The following SALL3 variants were observed in gnomAD, a reference collection of about 807,000 sequenced individuals.
The protein encoded by SALL3 is spalt like transcription factor 3.
SALL3 carries 25 observed loss-of-function variants against 66.2 expected under a neutral mutation model. That is an observed-to-expected ratio of 0.38 (90% confidence interval 0.28 to 0.53). SALL3 has a LOEUF of 0.53. SALL3 is among the 20% of genes least tolerant of loss of function. The pLI is 0.85. For synonymous variants in SALL3, 1,152 were observed against 899.1 expected (o/e 1.28, Z -5.03); for missense variants, 2,194 against 1,916.5 (o/e 1.14, Z -2.70).
At position 78,994,838 on chromosome 18, in the gene SALL3, C is replaced by A. The variant is rs1451294076; in HGVS notation, c.2847C>A (p.Gly949=). ...CAGCCGCCGCCCCGGGCAGCGGAGG[C>A]GCCCCTGGCCGCGCGGGCATCAAGG... ...DSPAAAPGSG[G]APGRAGIKEE... Residue 949 remains glycine (G), a synonymous_variant, in exon 2 of 3, where the codon GGC becomes GGA. Coordinates refer to ENST00000537592, the MANE Select transcript of SALL3 (RefSeq NM_171999.4). 12 of 1,595,862 alleles carry A rather than the reference C, an allele frequency of 7.5e-6. No individual in the cohort carries two copies. Among genetic ancestry groups the A allele is most frequent in the Non-Finnish European group, 1.0e-5 (12 of 1,171,614 alleles).
At position 78,992,132 on chromosome 18, in the gene SALL3, C is replaced by T. The variant is rs1357310153; in HGVS notation, c.141C>T (p.Gly47=). 1.8e-5 allele frequency: 29 copies of T among 1,602,530 alleles called. No homozygotes were observed. The highest frequency in any genetic ancestry group is 2.4e-5 in the Non-Finnish European group (28 of 1,175,660). The change falls in exon 2 of 3, where the codon GGC becomes GGT. Residue 47 remains glycine (G), a synonymous_variant. Coordinates refer to ENST00000537592, the MANE Select transcript of SALL3 (RefSeq NM_171999.4). ...GCGGGCCCGAGAGCCGCAGCGGGGG[C>T]GAGGAGACCAGCGTGTGCGAGAAAT... ...ADSGPESRSG[G]EETSVCEKCC...
At position 78,992,070 on chromosome 18, in the gene SALL3, G is replaced by T; in HGVS notation, c.83-4G>T. On this transcript the variant is annotated splice_region_variant and splice_polypyrimidine_tract_variant and intron_variant, in intron 1 of 2. Transcript: ENST00000537592. ...CCGGCTGACTCACTCTCTTGGTCTTGCAGCCGCCCCGGGGGAAGGTGCGGA... is the reference window on the plus strand; with the variant it reads ...CCGGCTGACTCACTCTCTTGGTCTTTCAGCCGCCCCGGGGGAAGGTGCGGA... The T allele has an allele frequency of 6.8e-7, 1 of 1,475,170 alleles. No homozygotes were observed. Among genetic ancestry groups the T allele is most frequent in the South Asian group, 1.4e-5 (1 of 72,906 alleles). 91.4% of individuals were successfully genotyped at this position (1,475,170 alleles called of 1,614,324 possible).
rs922149549 is a variant in SALL3, at chr18:78,997,778, C to G, written c.*456C>G. On this transcript the variant is annotated 3_prime_UTR_variant, in exon 3 of 3. Coordinates refer to ENST00000537592, the MANE Select transcript of SALL3 (RefSeq NM_171999.4). ...ACTCCCAATGCTGTGTATCATGACA[C>G]TATCTTCGTCTGTAGTATTTATGAT... 6.0e-6 allele frequency: 1 copy of G among 166,486 alleles called. No individual in the cohort carries two copies. Among genetic ancestry groups the G allele is most frequent in the African/African-American group, 2.4e-5 (1 of 41,874 alleles). 10.3% of individuals were successfully genotyped at this position (166,486 alleles called of 1,614,324 possible).
chr18:78,994,136 C>G lies in SALL3; in HGVS notation c.2145C>G (p.Ala715=). 6.2e-7 allele frequency: 1 copy of G among 1,613,040 alleles called. No homozygotes were observed. ...TCAAGTGCAAGATCTGCGGCCGCGC[C>G]TTCACCACCAAGGGCAACCTCAAGA... ...RPFKCKICGR[A]FTTKGNLKTH... is the part of the protein sequence containing the mutation. The change falls in exon 2 of 3, where the codon GCC becomes GCG. Residue 715 remains alanine, a synonymous_variant. Coordinates refer to ENST00000537592, the MANE Select transcript of SALL3 (RefSeq NM_171999.4).
intron 1 of SALL3, among the ~76,000 whole-genome samples, chr18:78,986,174 C>T (rs1450745354): frequency 3.9e-5 from 6 of 152,216 alleles, no homozygotes; most frequent in Admixed American, 1.3e-4. Context: ...TGCATGTACC[C>T]ATAAAGGCAA....
At chr18:78,981,148 C>T (rs1914052393) in intron 1 of SALL3, among the ~76,000 whole-genome samples, 1 of 152,246 alleles carries the variant, frequency 6.6e-6, no homozygotes, top group Non-Finnish European at 1.5e-5. Context: ...GAGCAAAGGG[C>T]AGGCGCCGCG....
At position 78,993,635 on chromosome 18, in the gene SALL3, A is replaced by T; in HGVS notation, c.1644A>T (p.Pro548=). 3.2e-6 allele frequency: 5 copies of T among 1,587,220 alleles called. No homozygotes were observed. The highest frequency in any genetic ancestry group is 4.3e-6 in the Non-Finnish European group (5 of 1,174,232). Residue 548 remains proline (P), a synonymous_variant, in exon 2 of 3, where the codon CCA becomes CCT. Transcript: ENST00000537592. ...ACGCCGACTCTCCCAGCGCCACCCC[A>T]GCCAGCCGCTCCCCGCAGAGGCCCT... ...HGYADSPSAT[P]ASRSPQRPSP... is the part of the protein sequence containing the mutation.
Position 78,993,704 on chromosome 18 carries a change from C to T in SALL3, c.1713C>T (p.Asn571=), listed in dbSNP as rs746141858. 2.6e-6 allele frequency: 4 copies of T among 1,568,618 alleles called. No individual in the cohort carries two copies. The highest frequency in any genetic ancestry group is 1.8e-5 in the Admixed American group (1 of 54,992). Residue 571 remains asparagine (N), a synonymous_variant, in exon 2 of 3, where the codon AAC becomes AAT. Coordinates refer to ENST00000537592, the MANE Select transcript of SALL3 (RefSeq NM_171999.4). ...GCGCCTCCTTGTCCCCAGGCCTCAACCACGTGGAGTCCGGCGTGTCGGCCA... is the reference window on the plus strand; with the variant it reads ...GCGCCTCCTTGTCCCCAGGCCTCAATCACGTGGAGTCCGGCGTGTCGGCCA... ...SECASLSPGL[N]HVESGVSATA... is the part of the protein sequence containing the mutation.
Position 78,992,328 on chromosome 18 carries a change from G to A in SALL3, c.337G>A (p.Glu113Lys). Residue 113 changes from glutamate (E) to lysine (K), a missense_variant, in exon 2 of 3, where the codon GAG becomes AAG. By Grantham distance (56) the Glu-to-Lys change is moderately conservative. Coordinates refer to ENST00000537592, the MANE Select transcript of SALL3 (RefSeq NM_171999.4). ...PSERAESEAAEEAGAEGAEGE... is the reference protein window; with the variant it reads ...PSERAESEAAKEAGAEGAEGE... Reference sequence around the variant, plus strand: ...CGAGCGCGCCGAAAGCGAGGCGGCCGAGGAGGCGGGTGCGGAGGGCGCGGA... The same window carrying A: ...CGAGCGCGCCGAAAGCGAGGCGGCCAAGGAGGCGGGTGCGGAGGGCGCGGA... 2 of 1,447,012 alleles carry A rather than the reference G, an allele frequency of 1.4e-6. No individual in the cohort carries two copies. Among genetic ancestry groups the A allele is most frequent in the Non-Finnish European group, 1.8e-6 (2 of 1,107,688 alleles). 89.6% of individuals were successfully genotyped at this position (1,447,012 alleles called of 1,614,324 possible).
At chr18:78,990,596 A>T (rs1484372366) in intron 1 of SALL3, among the ~76,000 whole-genome samples, 2 of 152,218 alleles carry the variant, frequency 1.3e-5, no homozygotes, top group Non-Finnish European at 2.9e-5. Flanking sequence ...ATCAACAACA[A>T]ATGTGGAGCT....
intron 1 of SALL3, among the ~76,000 whole-genome samples, chr18:78,986,020 G>A (rs1914234263): frequency 6.6e-6 from 1 of 152,176 alleles, no homozygotes; most frequent in Non-Finnish European, 1.5e-5. Flanking sequence ...TGATACACAC[G>A]CGTTCCTTAT....
At chr18:78,981,207 G>C (rs1914055950) in intron 1 of SALL3, among the ~76,000 whole-genome samples, 1 of 152,196 alleles carries the variant, frequency 6.6e-6, no homozygotes, top group Non-Finnish European at 1.5e-5. Context: ...TGGCGCCTTA[G>C]CCCCGCAAAG....
At chr18:78,980,749 G>T (rs1195298958) in intron 1 of SALL3, among the ~76,000 whole-genome samples, 3 of 151,844 alleles carry the variant, frequency 2.0e-5, no homozygotes. Context: ...GAAGGCGACC[G>T]CAGCCCACCT....
intron 2 of SALL3, among the ~76,000 whole-genome samples, chr18:78,995,857 G>A (rs1027854244): frequency 8.5e-5 from 13 of 152,092 alleles, no homozygotes; most frequent in African/African-American, 3.1e-4. Context: ...CTGTTAATCC[G>A]CTGTGGGGGG....
rs1259774686 is a variant in SALL3, at chr18:78,980,448, G to T, written c.82+92G>T. ...GCGGCGGGAGCGGATGCGCGCGTCC[G>T]GGAGCGGGAGAAAGTTCCCTGCTTC... On this transcript the variant is annotated intron_variant, in intron 1 of 2. Coordinates refer to ENST00000537592, the MANE Select transcript of SALL3 (RefSeq NM_171999.4). 3.2e-4 allele frequency: 245 copies of T among 763,152 alleles called. 1 individual carries two copies. The highest frequency in any genetic ancestry group is 4.9e-4 in the Admixed American group (10 of 20,352). 47.3% of individuals were successfully genotyped at this position (763,152 alleles called of 1,614,324 possible).
Position 78,992,843 on chromosome 18 carries a change from C to T in SALL3, c.852C>T (p.Ala284=), listed in dbSNP as rs990641941. ...AIAGSGPAAP[A]AFEGAQPLSR... is the part of the protein sequence containing the mutation. ...CGGGCTCGGGCCCCGCCGCCCCGGC[C>T]GCCTTCGAGGGCGCGCAGCCGCTGT... The change falls in exon 2 of 3, where the codon GCC becomes GCT. Residue 284 remains alanine (A), a synonymous_variant. Transcript: ENST00000537592. 7.1e-6 allele frequency: 7 copies of T among 980,344 alleles called. No homozygotes were observed. In the South Asian group the frequency reaches 2.8e-4, roughly 39 times the overall value. The allele number at this position is 980,344 out of a possible 1,614,324, so 60.7% of individuals were successfully genotyped here.
chr18:78,981,527 C>G (rs1047487559), intron 1 of SALL3, among the ~76,000 whole-genome samples: 1 of 152,188 alleles, frequency 6.6e-6, no homozygotes, highest in Non-Finnish European at 1.5e-5. Context: ...TAAAGTTTGA[C>G]AAAGCGGGTA....
rs1004690334 is a variant in SALL3, at chr18:78,998,297, A to T, written c.*975A>T. On this transcript the variant is annotated 3_prime_UTR_variant, in exon 3 of 3. Coordinates refer to ENST00000537592, the MANE Select transcript of SALL3 (RefSeq NM_171999.4). ...TTGTCTATAATTTGAAAATTTAAAAAAATGTAAAGTATTTTATAAATAGTA... is the reference window on the plus strand; with the variant it reads ...TTGTCTATAATTTGAAAATTTAAAATAATGTAAAGTATTTTATAAATAGTA... The T allele has an allele frequency of 6.6e-6, 1 of 151,606 alleles. No individual in the cohort carries two copies. The highest frequency in any genetic ancestry group is 2.4e-5 in the African/African-American group (1 of 40,862). 9.4% of individuals were successfully genotyped at this position (151,606 alleles called of 1,614,324 possible). A position where few individuals can be genotyped will look rare whatever the true frequency, so the allele number is the denominator to read the frequency against.
intron 1 of SALL3, among the ~76,000 whole-genome samples, chr18:78,990,024 CCTTTT>C (rs1914372642): frequency 6.6e-6 from 1 of 152,178 alleles, no homozygotes; most frequent in Admixed American, 6.5e-5. Context: ...TTGAGATAGG[CCTTTT>C]TATCAGTCAT....
Sources: gnomAD v4.1 joint callset for allele counts (sites outside exome capture counted in the v4.1 genomes callset) on GRCh38, gnomAD v4.1.1 for gene constraint, MANE v1.5 for transcripts, NCBI Gene and HGNC (gene_info 2026-07-23, HGNC 2026-07-21) for gene names.